The following ATP9A variants were observed in gnomAD, a reference collection of about 807,000 sequenced individuals.
ATP9A encodes probable phospholipid-transporting ATPase IIA.
A neutral mutation model predicts 144.1 loss-of-function variants in ATP9A; 52 were observed. The observed-to-expected ratio is 0.36, with a 90% confidence interval of 0.29 to 0.45. The LOEUF is 0.45. Ranked by LOEUF, ATP9A falls within the 20% of genes least tolerant of loss-of-function variation. The pLI is 1.00. For synonymous variants in ATP9A, 582 were observed against 557.4 expected, an observed-to-expected ratio of 1.04 and a Z score of -0.62; for missense variants, 947 against 1,392.7, an observed-to-expected ratio of 0.68 and a Z score of 5.09.
chr20:51,676,386 T>A (rs1478920504), intron 9 of ATP9A, among the ~76,000 whole-genome samples, 178 bp from the exon 10 acceptor site: 1 of 151,726 alleles, frequency 6.6e-6, no homozygotes, highest in Non-Finnish European at 1.5e-5. Flanking sequence ...ATGGGCTAAC[T>A]GAAAGCTTCC....
At chr20:51,751,260 T>TG (rs1491210624) in intron 1 of ATP9A, among the ~76,000 whole-genome samples, 1 of 141,082 alleles carries the variant, frequency 7.1e-6, no homozygotes, top group Non-Finnish European at 1.5e-5. Context: ...GGGTTTTTTT[T>TG]GTTTTTTTTT....
At chr20:51,697,313 T>G in intron 5 of ATP9A, 111 bp downstream of exon 5, 2 of 1,038,762 alleles carry the variant, frequency 1.9e-6, no homozygotes, top group Non-Finnish European at 2.8e-6. Context: ...CCAGGCAAAG[T>G]TTTTGGATAG....
intron 14 of ATP9A, among the ~76,000 whole-genome samples, chr20:51,651,285 A>G (rs2077364432): frequency 7.5e-6 from 1 of 132,654 alleles, no homozygotes; most frequent in East Asian, 2.0e-4. Flanking sequence ...TTTACATAAT[A>G]TATTATATAA....
chr20:51,617,259 CT>C (rs34704725), intron 22 of ATP9A, among the ~76,000 whole-genome samples: 14,780 of 152,034 alleles, frequency 0.097, 887 homozygotes, highest in Admixed American at 0.16. Flanking sequence ...AACACTTTTT[CT>C]TTTTTTAAAT....
At chr20:51,734,691 T>C (rs1279147168) in intron 1 of ATP9A, 2 of 163,394 alleles carry the variant, frequency 1.2e-5, no homozygotes, top group Non-Finnish European at 2.7e-5. Flanking sequence ...GTCACAAAGA[T>C]ATGACTTTCT....
At chr20:51,613,536 G>T in intron 23 of ATP9A, 141 bp downstream of exon 23, 1 of 977,476 alleles carries the variant, frequency 1.0e-6, no homozygotes, top group Non-Finnish European at 1.4e-6. Context: ...AGGGGTGACA[G>T]CTCCAAAGCA....
At chr20:51,752,186 C>G (rs1308156322) in intron 1 of ATP9A, among the ~76,000 whole-genome samples, 3 of 152,164 alleles carry the variant, frequency 2.0e-5, no homozygotes, top group East Asian at 1.9e-4. Flanking sequence ...CAGCAGCTTA[C>G]GAGCTGTGGG....
chr20:51,646,800 C>T (rs1359402701), intron 14 of ATP9A, among the ~76,000 whole-genome samples: 2 of 151,986 alleles, frequency 1.3e-5, no homozygotes, highest in Non-Finnish European at 2.9e-5. Context: ...TGCTAGGAAT[C>T]AGCGGAAGAG....
At chr20:51,675,336 T>A (rs2077472559) in intron 10 of ATP9A, among the ~76,000 whole-genome samples, 1 of 152,132 alleles carries the variant, frequency 6.6e-6, no homozygotes, top group South Asian at 2.1e-4. Context: ...CAAAAGACAA[T>A]TATTCTGTAA....
chr20:51,743,263 C>G (rs1015274805), intron 1 of ATP9A, among the ~76,000 whole-genome samples: 2 of 152,154 alleles, frequency 1.3e-5, no homozygotes, highest in Non-Finnish European at 2.9e-5. Flanking sequence ...GCAGCTGTCA[C>G]GTTGGTGTTG....
intron 4 of ATP9A, among the ~76,000 whole-genome samples, chr20:51,703,213 T>G (rs1007537447): frequency 6.6e-6 from 1 of 152,146 alleles, no homozygotes; most frequent in Non-Finnish European, 1.5e-5. Flanking sequence ...TCCCACAAAT[T>G]ATGTAGCTGG....
intron 4 of ATP9A, among the ~76,000 whole-genome samples, chr20:51,698,137 A>G (rs919020495): frequency 2.0e-5 from 3 of 152,176 alleles, no homozygotes; most frequent in South Asian, 2.1e-4. Flanking sequence ...CCTTCCCCCA[A>G]AGTCTCAGAG....
chr20:51,703,029 G>GACTC (rs1054259100), intron 4 of ATP9A, among the ~76,000 whole-genome samples: 3 of 152,010 alleles, frequency 2.0e-5, no homozygotes, highest in African/African-American at 7.2e-5. Context: ...CTTCCCCAGA[G>GACTC]ACTCCTAAGA....
intron 2 of ATP9A, among the ~76,000 whole-genome samples, chr20:51,726,477 T>C (rs1433403135): frequency 6.6e-6 from 1 of 150,616 alleles, no homozygotes; most frequent in African/African-American, 2.5e-5. Flanking sequence ...TACATGGAAA[T>C]TGTAAATACC....
chr20:51,640,652 C>A (rs2077314997), intron 14 of ATP9A, among the ~76,000 whole-genome samples: 1 of 152,212 alleles, frequency 6.6e-6, no homozygotes, highest in South Asian at 2.1e-4. Flanking sequence ...AAGTCAGAAC[C>A]TTCTCATGGC....
At chr20:51,627,057 C>CAAA (rs11481602) in intron 17 of ATP9A, among the ~76,000 whole-genome samples, 11 of 110,990 alleles carry the variant, frequency 9.9e-5, no homozygotes, top group African/African-American at 2.6e-4. Flanking sequence ...AACTCTGTCT[C>CAAA]AAAAAAAAAA....
intron 13 of ATP9A, among the ~76,000 whole-genome samples, chr20:51,658,113 C>G (rs750268842): frequency 5.6e-4 from 85 of 152,304 alleles, no homozygotes; most frequent in Admixed American, 9.2e-4. Context: ...GGGTGGCAAG[C>G]AGCTAGGACA....
At chr20:51,606,577 G>A (rs1193137205) in intron 26 of ATP9A, among the ~76,000 whole-genome samples, 1 of 152,112 alleles carries the variant, frequency 6.6e-6, no homozygotes. Flanking sequence ...TACACCTGTA[G>A]TCTAAGATGC....
intron 17 of ATP9A, among the ~76,000 whole-genome samples, chr20:51,627,001 G>A (rs975905625): frequency 1.9e-4 from 28 of 149,312 alleles, no homozygotes; most frequent in Non-Finnish European, 3.7e-4. Context: ...AGGTTACAGT[G>A]AGCCAAGATC....
Sources: gnomAD v4.1 joint callset for allele counts (sites outside exome capture counted in the v4.1 genomes callset) on GRCh38, gnomAD v4.1.1 for gene constraint, MANE v1.5 for transcripts, NCBI Gene and HGNC (gene_info 2026-07-23, HGNC 2026-07-21) for gene names.